EYS: variants seen among roughly 807,000 people sequenced by gnomAD.
EYS encodes the protein EGF-like photoreceptor maintenance factor.
Under a neutral mutation model 282.1 loss-of-function variants are expected in EYS, and 250 were observed. The observed-to-expected ratio is 0.89, with a 90% CI of 0.80 to 0.98. The LOEUF (loss-of-function observed/expected upper bound fraction) is 0.98, where lower values mean the gene tolerates loss of function less well. Among genes scored for constraint, EYS ranks in the 50% least tolerant of loss-of-function variants. The pLI is 0.00. For synonymous variants in EYS, 1,355 were observed against 1,282.9 expected (o/e 1.06, Z -1.20); for missense variants, 4,016 against 3,709.0 (o/e 1.08, Z -2.15).
chr6:64,046,550 T>G (rs1391721259), intron 33 of EYS, among the ~76,000 whole-genome samples: 1 of 152,174 alleles, frequency 6.6e-6, no homozygotes, highest in South Asian at 2.1e-4. Context: ...TTTATTCTTT[T>G]TTTTTTTTCA....
intron 26 of EYS, among the ~76,000 whole-genome samples, chr6:64,456,885 A>G (rs1050668619): frequency 3.3e-5 from 5 of 152,148 alleles, no homozygotes; most frequent in African/African-American, 1.2e-4. Flanking sequence ...AATAATGCAT[A>G]TTATATTGTC....
chr6:65,376,926 G>A (rs1582208993), intron 8 of EYS, among the ~76,000 whole-genome samples: 1 of 152,128 alleles, frequency 6.6e-6, no homozygotes, highest in African/African-American at 2.4e-5. Flanking sequence ...GTAATAGTGG[G>A]AGACTTTAAC....
At chr6:65,036,741 A>G (rs1457053599) in intron 13 of EYS, among the ~76,000 whole-genome samples, 3 of 152,024 alleles carry the variant, frequency 2.0e-5, no homozygotes, top group Non-Finnish European at 4.4e-5. Context: ...GATAAATGCA[A>G]ATCAAAACCA....
intron 31 of EYS, among the ~76,000 whole-genome samples, chr6:64,128,581 C>T (rs1773862352): frequency 6.6e-6 from 1 of 152,054 alleles, no homozygotes; most frequent in Non-Finnish European, 1.5e-5. Context: ...ATTCCATGAT[C>T]TCGTGAGCTC....
At position 64,638,952 on chromosome 6, in the gene EYS, T is replaced by A. The variant is rs1293139681; in HGVS notation, c.3444-12707A>T. Among the ~76,000 whole-genome samples the A allele has an allele frequency of 2.3e-5, 2 of 85,612 alleles. 1 individual carries two copies. Among genetic ancestry groups the A allele is most frequent in the Middle Eastern group, 0.01 (2 of 192 alleles). The allele number at this position is 85,612 out of a possible 152,430, so 56.2% of individuals were successfully genotyped here. On this transcript the variant is annotated intron_variant, in intron 22 of 42. Transcript: ENST00000503581. ...CCTCCCTGCCCCCTCTAGTAGATTT[T>A]CAGGGTTGCCATAAGAAAGCACCAC...
At chr6:64,723,406 A>C (rs901170433) in intron 22 of EYS, among the ~76,000 whole-genome samples, 4 of 152,200 alleles carry the variant, frequency 2.6e-5, no homozygotes, top group African/African-American at 9.6e-5. Context: ...AGATGAAACT[A>C]AAAACGGCAC....
At position 64,755,056 on chromosome 6, in the gene EYS, C is replaced by T. The variant is rs142787551; in HGVS notation, c.3443+58322G>A. Among the ~76,000 whole-genome samples the T allele has an allele frequency of 2.1e-3, 325 of 152,056 alleles. 2 individuals carry two copies. The East Asian group carries it at 0.031, about 15-fold the overall frequency. Reference sequence around the variant, plus strand: ...CCTAGGAAACCCTAAAGATTACTCCCGAAGACTCCTAGATTTGATAAATGA... The same window carrying T: ...CCTAGGAAACCCTAAAGATTACTCCTGAAGACTCCTAGATTTGATAAATGA... On this transcript the variant is annotated intron_variant, in intron 22 of 42. Transcript: ENST00000503581.
chr6:64,179,207 T>C (rs1764722252), intron 31 of EYS, among the ~76,000 whole-genome samples: 2 of 152,058 alleles, frequency 1.3e-5, no homozygotes, highest in Non-Finnish European at 2.9e-5. Context: ...TTCTACTTTT[T>C]CAATTGTTTT....
chr6:64,792,279 A>C (rs1194233903), intron 22 of EYS, among the ~76,000 whole-genome samples: 1 of 152,022 alleles, frequency 6.6e-6, no homozygotes, highest in African/African-American at 2.4e-5. Context: ...TGGTAAGAAG[A>C]ATGTGTCTGT....
rs1441079490 is a variant in EYS, at chr6:64,591,456, C to T, written c.4411G>A (p.Glu1471Lys). The T allele has an allele frequency of 6.4e-7, 1 of 1,551,372 alleles. No homozygotes were observed. The highest frequency in any genetic ancestry group is 8.7e-7 in the Non-Finnish European group (1 of 1,146,792). The change falls in exon 26 of 43, where the codon GAA becomes AAA. Residue 1471 changes from glutamate (E) to lysine (K), a missense_variant. By Grantham distance (56) the Glu-to-Lys change is moderately conservative. Coordinates refer to ENST00000503581, the MANE Select transcript of EYS (RefSeq NM_001142800.2). Reference protein sequence around the residue: ...VSRGAQEDIEEYSADSLISRR... With the variant: ...VSRGAQEDIEKYSADSLISRR... ...GAAATTAAAGAATCAGCTGAATATT[C>T]TTCAATATCCTCTTGAGCCCCCCTA...
intron 13 of EYS, among the ~76,000 whole-genome samples, chr6:65,049,689 C>T (rs1047617362): frequency 6.6e-6 from 1 of 151,646 alleles, no homozygotes; most frequent in Non-Finnish European, 1.5e-5. Context: ...ATGCAAACAA[C>T]CCTTCTCTGT....
chr6:64,320,968 G>A (rs924298940), intron 29 of EYS, among the ~76,000 whole-genome samples: 4 of 151,774 alleles, frequency 2.6e-5, no homozygotes, highest in Admixed American at 6.6e-5. Context: ...ATAATGGAAT[G>A]AACAGTTTCC....
chr6:64,966,258 T>C (rs1273214250), intron 14 of EYS, among the ~76,000 whole-genome samples: 3 of 152,188 alleles, frequency 2.0e-5, no homozygotes, highest in Non-Finnish European at 2.9e-5. Flanking sequence ...AGATTATTTT[T>C]AGCTATGAGA....
intron 5 of EYS, among the ~76,000 whole-genome samples, chr6:65,464,139 C>T (rs917108117): frequency 4.6e-5 from 7 of 152,022 alleles, no homozygotes; most frequent in South Asian, 2.1e-4. Flanking sequence ...TGCAATTACG[C>T]GGTCCCCAGT....
At chr6:64,120,070 A>G (rs1316812065) in intron 31 of EYS, among the ~76,000 whole-genome samples, 1 of 151,970 alleles carries the variant, frequency 6.6e-6, no homozygotes, top group African/African-American at 2.4e-5. Flanking sequence ...TCTTTTGGCC[A>G]GGCGTGGTGG....
intron 2 of EYS, among the ~76,000 whole-genome samples, chr6:65,511,984 C>CAAAAA (rs11368301): frequency 3.2e-5 from 3 of 94,830 alleles, no homozygotes; most frequent in African/African-American, 5.0e-5. Flanking sequence ...AACTCTGTCT[C>CAAAAA]AAAAAAAAAA....
At chr6:64,870,222 T>C (rs1450836851) in intron 19 of EYS, among the ~76,000 whole-genome samples, 1 of 151,512 alleles carries the variant, frequency 6.6e-6, no homozygotes, top group African/African-American at 2.4e-5. Context: ...ACCCCAAATC[T>C]TACACATAAA....
chr6:64,383,806 C>T (rs1420505017), intron 29 of EYS, among the ~76,000 whole-genome samples: 1 of 152,040 alleles, frequency 6.6e-6, no homozygotes, highest in Admixed American at 6.6e-5. Context: ...TTCTTGATTT[C>T]TTCAATGGTG....
At chr6:64,161,795 T>C (rs1021626592) in intron 31 of EYS, among the ~76,000 whole-genome samples, 3 of 152,164 alleles carry the variant, frequency 2.0e-5, no homozygotes, top group Non-Finnish European at 4.4e-5. Context: ...GATCTCTGTA[T>C]ATAGGTGGAG....
Sources: gnomAD v4.1 joint callset for allele counts (sites outside exome capture counted in the v4.1 genomes callset) on GRCh38, gnomAD v4.1.1 for gene constraint, MANE v1.5 for transcripts, NCBI Gene and HGNC (gene_info 2026-07-23, HGNC 2026-07-21) for gene names.